Variants in FAT3 observed in about 807,000 individuals in gnomAD.
FAT3 encodes the protein protocadherin Fat 3.
A neutral mutation model predicts 310.2 loss-of-function variants in FAT3; 95 were observed. That is an observed-to-expected ratio of 0.31 (90% CI 0.26 to 0.36). The LOEUF (loss-of-function observed/expected upper bound fraction) is 0.36, where lower values mean the gene tolerates loss of function less well. FAT3 is among the 10% of genes least tolerant of loss of function. FAT3 has a pLI of 1.00. For synonymous variants in FAT3, 2,314 were observed against 2,192.9 expected (o/e 1.06, Z -1.54); for missense variants, 5,408 against 5,715.6 (o/e 0.95, Z 1.74).
rs1031957293 is a variant in FAT3, at chr11:92,224,884, G to A, written c.-308G>A. ...GGCGCTCCTCCCCGCAGGCTGCGCT[G>A]TGAACTGGCCTGCGGATTGGGATCT... On this transcript the variant is annotated 5_prime_UTR_variant, in exon 1 of 28. In the 5' UTR this introduces an upstream ATG that the reference lacks. Transcript: ENST00000525166. 1.3e-5 allele frequency among the ~76,000 whole-genome samples: 2 copies of A among 152,136 alleles called. No individual in the cohort carries two copies. Among genetic ancestry groups the A allele is most frequent in the Non-Finnish European group, 2.9e-5 (2 of 68,004 alleles).
At position 92,352,283 on chromosome 11, in the gene FAT3, A is replaced by G; in HGVS notation, c.171A>G (p.Ala57=). Residue 57 remains alanine, a synonymous_variant, in exon 2 of 28, where the codon GCA becomes GCG. Coordinates refer to ENST00000525166, the MANE Select transcript of FAT3 (RefSeq NM_001367949.2). The part of the protein sequence containing the change: ...IYNATVYENS[A]ARTYVNSQSR... The stretch of plus-strand genomic sequence containing the variant: ...ATGCTACCGTGTATGAGAACTCAGC[A>G]GCAAGGACCTACGTCAACAGCCAGA... 6.8e-7 allele frequency: 1 copy of G among 1,473,458 alleles called. No homozygotes were observed. The highest frequency in any genetic ancestry group is 1.1e-5 in the South Asian group (1 of 88,998). The allele number at this position is 1,473,458 out of a possible 1,614,324, so 91.3% of individuals were successfully genotyped here.
chr11:92,760,307 A>G (rs1408455546), intron 4 of FAT3, among the ~76,000 whole-genome samples: 3 of 152,192 alleles, frequency 2.0e-5, no homozygotes, highest in Admixed American at 6.5e-5. Context: ...TTGCAATTCC[A>G]TTTTGCAAAA....
intron 2 of FAT3, among the ~76,000 whole-genome samples, chr11:92,496,553 C>T (rs1445954581): frequency 3.3e-5 from 5 of 152,002 alleles, no homozygotes; most frequent in African/African-American, 1.2e-4. Flanking sequence ...CTCTTCTCCC[C>T]CTGCACTTAT....
At chr11:92,342,045 C>T (rs1329138834) in intron 1 of FAT3, among the ~76,000 whole-genome samples, 1 of 152,048 alleles carries the variant, frequency 6.6e-6, no homozygotes, top group African/African-American at 2.4e-5. Context: ...GGACGTTTAG[C>T]CAAATAGACA....
chr11:92,557,089 A>G (rs147266476), intron 3 of FAT3, among the ~76,000 whole-genome samples: 303 of 151,822 alleles, frequency 2.0e-3, no homozygotes, highest in African/African-American at 7.1e-3. Flanking sequence ...TTCGCTATCT[A>G]TTGCATTCTT....
chr11:92,284,016 T>G (rs935160849), intron 1 of FAT3, among the ~76,000 whole-genome samples: 2 of 152,120 alleles, frequency 1.3e-5, no homozygotes, highest in African/African-American at 4.8e-5. Context: ...TTCTGCAAGT[T>G]TCCTGAGGGC....
chr11:92,725,076 A>T (rs1424029626), intron 4 of FAT3, among the ~76,000 whole-genome samples: 1 of 152,222 alleles, frequency 6.6e-6, no homozygotes, highest in East Asian at 1.9e-4. Flanking sequence ...CCAATTGACT[A>T]ATGTTAGAGA....
At chr11:92,496,349 G>GCA in intron 2 of FAT3, among the ~76,000 whole-genome samples, 1 of 151,890 alleles carries the variant, frequency 6.6e-6, no homozygotes, top group African/African-American at 2.4e-5. Flanking sequence ...CCTCTCCACC[G>GCA]CACCCTCTGC....
At chr11:92,305,397 C>T (rs574066077) in intron 1 of FAT3, among the ~76,000 whole-genome samples, 32 of 151,990 alleles carry the variant, frequency 2.1e-4, no homozygotes, top group Non-Finnish European at 4.1e-4. Flanking sequence ...GTAAACACCA[C>T]GGCAATAATT....
At position 92,879,289 on chromosome 11, in the gene FAT3, TAGGC is replaced by T. The variant is rs1565673167; in HGVS notation, c.12128-1439_12128-1436del. 3.9e-5 allele frequency among the ~76,000 whole-genome samples: 6 copies of T among 151,900 alleles called. No homozygotes were observed. The South Asian group carries it at 1.3e-3, about 32-fold the overall frequency. ...TGAAATGAGAGAGTAAACCAAGAAA[TAGGC>T]AGACAGGTGATACAGGAATCACCAG... On this transcript the variant is annotated intron_variant, in intron 22 of 27. Transcript: ENST00000525166.
At position 92,355,380 on chromosome 11, in the gene FAT3, A is replaced by T. The variant is rs200596644; in HGVS notation, c.3268A>T (p.Arg1090Trp). 217 of 1,613,448 alleles carry T rather than the reference A, an allele frequency of 1.3e-4. No individual in the cohort carries two copies. Among genetic ancestry groups the T allele is most frequent in the Admixed American group, 6.7e-5 (4 of 59,918 alleles). ...YSIRDGSGLG[R>W]FSIDDESGVI... ...CATCAGGGATGGCAGTGGTCTTGGA[A>T]GGTTCAGTATAGACGACGAGAGTGG... The change falls in exon 2 of 28, where the codon AGG becomes TGG. Residue 1090 changes from arginine to tryptophan, a missense_variant. Coordinates refer to ENST00000525166, the MANE Select transcript of FAT3 (RefSeq NM_001367949.2).
chr11:92,262,616 A>G lies in FAT3; in HGVS notation c.-18+37442A>G, dbSNP rs538357408. ...AGTTTTTGCTAGACCTCTCTGAAAC[A>G]GGATACAGCATGATATATTTTTAGT... On this transcript the variant is annotated intron_variant, in intron 1 of 27. Coordinates refer to ENST00000525166, the MANE Select transcript of FAT3 (RefSeq NM_001367949.2). Among the ~76,000 whole-genome samples the G allele has an allele frequency of 1.1e-3, 161 of 152,286 alleles. 1 individual carries two copies. Among genetic ancestry groups the G allele is most frequent in the African/African-American group, 3.8e-3 (158 of 41,570 alleles).
At chr11:92,326,106 G>A (rs1035045819) in intron 1 of FAT3, among the ~76,000 whole-genome samples, 4 of 152,184 alleles carry the variant, frequency 2.6e-5, no homozygotes, top group Admixed American at 6.5e-5. Context: ...CCAGAGTCAT[G>A]GAGGCTCCAT....
intron 3 of FAT3, among the ~76,000 whole-genome samples, chr11:92,539,334 A>G (rs1954365665): frequency 6.6e-6 from 1 of 152,204 alleles, no homozygotes; most frequent in South Asian, 2.1e-4. Context: ...TCAGTCTCCA[A>G]ATTCTCACTT....
chr11:92,707,486 T>C (rs1359816165), intron 4 of FAT3, among the ~76,000 whole-genome samples: 2 of 152,168 alleles, frequency 1.3e-5, no homozygotes, highest in Admixed American at 1.3e-4. Context: ...TGGGGGTTGG[T>C]GGGAGGGAGC....
intron 2 of FAT3, among the ~76,000 whole-genome samples, chr11:92,456,154 G>A (rs774089126): frequency 2.6e-5 from 4 of 152,182 alleles, no homozygotes; most frequent in Non-Finnish European, 2.9e-5. Flanking sequence ...TGACTACTTC[G>A]TTTCTTCCAA....
At chr11:92,334,177 A>G (rs946553606) in intron 1 of FAT3, among the ~76,000 whole-genome samples, 1 of 152,104 alleles carries the variant, frequency 6.6e-6, no homozygotes, top group Non-Finnish European at 1.5e-5. Flanking sequence ...GGAGTTTGAG[A>G]TCAGCCTGGG....
chr11:92,471,507 T>C (rs149705392), intron 2 of FAT3, among the ~76,000 whole-genome samples: 1 of 152,274 alleles, frequency 6.6e-6, no homozygotes, highest in African/African-American at 2.4e-5. Context: ...AGCCATTTGA[T>C]ACCCTTCACG....
chr11:92,752,981 C>G (rs1945869713), intron 4 of FAT3, among the ~76,000 whole-genome samples: 1 of 152,106 alleles, frequency 6.6e-6, no homozygotes, highest in Non-Finnish European at 1.5e-5. Flanking sequence ...GTTTTTCAAC[C>G]TGGGTTGAGA....
Sources: allele counts gnomAD v4.1 joint callset (sites outside exome capture counted in the v4.1 genomes callset), GRCh38; gene constraint gnomAD v4.1.1; transcripts MANE v1.5; gene names NCBI Gene and HGNC (gene_info 2026-07-23, HGNC 2026-07-21).